KHDRBS2: variants seen among roughly 807,000 people sequenced by gnomAD.
KHDRBS2 encodes KH domain-containing, RNA-binding, signal transduction-associated protein 2.
KHDRBS2 carries 26 observed loss-of-function variants against 44.3 expected under a neutral mutation model. That is an observed-to-expected ratio of 0.59 (90% CI 0.43 to 0.81). The LOEUF (loss-of-function observed/expected upper bound fraction) is 0.81. Among genes scored for constraint, KHDRBS2 ranks in the 40% least tolerant of loss-of-function variants. The pLI, the probability that KHDRBS2 is intolerant of heterozygous loss-of-function variation, is 0.00. For synonymous variants in KHDRBS2, 194 were observed against 151.1 expected (o/e 1.28, Z -2.08); for missense variants, 476 against 433.1 (o/e 1.10, Z -0.88).
chr6:62,114,652 T>C (rs1489951285), intron 2 of KHDRBS2, among the ~76,000 whole-genome samples: 1 of 152,144 alleles, frequency 6.6e-6, no homozygotes, highest in African/African-American at 2.4e-5. Flanking sequence ...ATATGCGTTA[T>C]CTTTCACTAA....
intron 2 of KHDRBS2, among the ~76,000 whole-genome samples, chr6:62,150,563 A>G (rs888052550): frequency 3.3e-5 from 5 of 152,158 alleles, no homozygotes; most frequent in Admixed American, 2.0e-4. Flanking sequence ...TAAATACCAA[A>G]CCATAATGTT....
chr6:62,136,548 G>A (rs1811568457), intron 2 of KHDRBS2, among the ~76,000 whole-genome samples: 1 of 151,972 alleles, frequency 6.6e-6, no homozygotes, highest in South Asian at 2.1e-4. Flanking sequence ...AAAAGAAATG[G>A]CATTTGCTTT....
chr6:62,171,519 T>C (rs1045243359), intron 2 of KHDRBS2, among the ~76,000 whole-genome samples: 38 of 152,152 alleles, frequency 2.5e-4, no homozygotes, highest in Non-Finnish European at 4.4e-4. Flanking sequence ...TTTGAGGATA[T>C]TGTCCGCAAC....
chr6:61,620,893 C>T, the KHDRBS2 span, among the ~76,000 whole-genome samples: 1 of 152,192 alleles, frequency 6.6e-6, no homozygotes, highest in Non-Finnish European at 1.5e-5. Context: ...TTCCTTGCCT[C>T]ACTCCATTTA....
intron 3 of KHDRBS2, among the ~76,000 whole-genome samples, chr6:62,003,537 A>G (rs1778660621): frequency 6.6e-6 from 1 of 152,034 alleles, no homozygotes; most frequent in Non-Finnish European, 1.5e-5. Context: ...GAGACCTACA[A>G]AGAGACTTAG....
At chr6:61,687,807 AC>A (rs1766985235) in intron 8 of KHDRBS2, among the ~76,000 whole-genome samples, 1 of 151,894 alleles carries the variant, frequency 6.6e-6, no homozygotes. Context: ...AATATTCCTG[AC>A]AAACTTCAGG....
chr6:61,566,267 T>G, the KHDRBS2 span, among the ~76,000 whole-genome samples: 1 of 152,090 alleles, frequency 6.6e-6, no homozygotes, highest in Non-Finnish European at 1.5e-5. Context: ...AAAGAGAGGT[T>G]GGCTAATGTG....
intron 3 of KHDRBS2, among the ~76,000 whole-genome samples, chr6:62,031,502 C>A (rs553299682): frequency 6.6e-6 from 1 of 152,128 alleles, no homozygotes; most frequent in Non-Finnish European, 1.5e-5. Context: ...CTTCCCTGGG[C>A]CAGAAAACAA....
chr6:61,707,155 G>A (rs1280297937), intron 7 of KHDRBS2, among the ~76,000 whole-genome samples: 1 of 151,638 alleles, frequency 6.6e-6, no homozygotes, highest in Admixed American at 6.6e-5. Flanking sequence ...AAAAAGAATA[G>A]AAAACATAAA....
chr6:62,046,609 G>T (rs1787755623), intron 3 of KHDRBS2, among the ~76,000 whole-genome samples: 1 of 151,856 alleles, frequency 6.6e-6, no homozygotes, highest in African/African-American at 2.4e-5. Context: ...ATACATGAAA[G>T]TACAGACATA....
chr6:61,859,421 A>T (rs1464036905), intron 6 of KHDRBS2, among the ~76,000 whole-genome samples: 1 of 151,976 alleles, frequency 6.6e-6, no homozygotes, highest in Admixed American at 6.6e-5. Context: ...TGTTTAAGAG[A>T]TAAACACGAC....
the KHDRBS2 span, among the ~76,000 whole-genome samples, chr6:61,656,384 CA>C: frequency 3.9e-5 from 6 of 151,984 alleles, no homozygotes; most frequent in Admixed American, 2.0e-4. Context: ...GATAAGAAGA[CA>C]AAAGGACAGA....
At chr6:62,082,552 C>A (rs1797613089) in intron 2 of KHDRBS2, among the ~76,000 whole-genome samples, 1 of 152,108 alleles carries the variant, frequency 6.6e-6, no homozygotes, top group Non-Finnish European at 1.5e-5. Flanking sequence ...ATTACTACAT[C>A]TGTCTTCTAA....
intron 6 of KHDRBS2, among the ~76,000 whole-genome samples, chr6:61,794,545 T>C (rs961240301): frequency 1.3e-5 from 2 of 152,194 alleles, no homozygotes; most frequent in Non-Finnish European, 2.9e-5. Flanking sequence ...AATTAACTAA[T>C]AGATCAAACA....
At chr6:61,969,739 C>T (rs1002996276) in intron 4 of KHDRBS2, among the ~76,000 whole-genome samples, 2 of 151,710 alleles carry the variant, frequency 1.3e-5, no homozygotes, top group African/African-American at 2.4e-5. Flanking sequence ...TTTTCAATCC[C>T]TTCAGTATGC....
chr6:62,236,370 G>A (rs935206750), intron 1 of KHDRBS2, among the ~76,000 whole-genome samples: 3 of 151,860 alleles, frequency 2.0e-5, no homozygotes, highest in African/African-American at 7.2e-5. Context: ...TAATGAAAAA[G>A]TTCTCTATTT....
intron 3 of KHDRBS2, among the ~76,000 whole-genome samples, chr6:62,011,352 C>T (rs1780246916): frequency 1.3e-5 from 2 of 152,044 alleles, no homozygotes; most frequent in Admixed American, 6.6e-5. Context: ...AGCAATAACA[C>T]ATTGCACACG....
chr6:61,980,849 G>C (rs985325929), intron 3 of KHDRBS2, among the ~76,000 whole-genome samples: 3 of 152,146 alleles, frequency 2.0e-5, no homozygotes, highest in African/African-American at 7.2e-5. Context: ...GCCAGTTTCA[G>C]CCAGCTTATA....
intron 1 of KHDRBS2, among the ~76,000 whole-genome samples, chr6:62,256,982 C>T (rs1372642736): frequency 6.6e-6 from 1 of 152,080 alleles, no homozygotes; most frequent in Non-Finnish European, 1.5e-5. Flanking sequence ...TCACTAAGCA[C>T]ATCCTATGCC....
Sources: allele counts gnomAD v4.1 joint callset (sites outside exome capture counted in the v4.1 genomes callset), GRCh38; gene constraint gnomAD v4.1.1; transcripts MANE v1.5; gene names NCBI Gene and HGNC (gene_info 2026-07-23, HGNC 2026-07-21).